Variants in RHPN1 observed in about 807,000 individuals in gnomAD.
The protein encoded by RHPN1 is rhophilin-1.
In RHPN1, 77 loss-of-function variants were observed where a neutral mutation model predicts 74.7. The observed-to-expected ratio is 1.03, with a 90% CI of 0.86 to 1.25. The LOEUF is 1.25. RHPN1 is among the 50% of genes most tolerant of loss of function. RHPN1 has a pLI of 0.00. For synonymous variants in RHPN1, 444 were observed against 414.5 expected (o/e 1.07, Z -0.87); for missense variants, 987 against 932.2 (o/e 1.06, Z -0.77).
rs367953129 is a variant in RHPN1 at position 143,380,764 on chromosome 8, C to T, written c.1392C>T (p.Ala464=). The change falls in exon 11 of 15, where the codon GCC becomes GCT. Residue 464 remains alanine (A), a synonymous_variant. Transcript: ENST00000289013. The part of the protein sequence containing the change: ...LDREDDFCEA[A]EAPDIQPKTH... ...GTGAGGATGACTTCTGTGAGGCTGC[C>T]GAGGCCCCGGACATCCAGCGTGAGC... The T allele has an allele frequency of 3.8e-5, 60 of 1,581,306 alleles. No homozygotes were observed. Among genetic ancestry groups the T allele is most frequent in the African/African-American group, 5.4e-5 (4 of 74,284 alleles).
intron 1 of RHPN1, among the ~76,000 whole-genome samples, chr8:143,371,850 C>T (rs1013217150): frequency 6.6e-5 from 10 of 152,216 alleles, no homozygotes; most frequent in Non-Finnish European, 1.3e-4. Flanking sequence ...GAGGTTGTAG[C>T]AGGAGTAGGG....
At position 143,382,853 on chromosome 8, in the gene RHPN1, G is replaced by C. The variant is rs1430720239; in HGVS notation, c.*202G>C. 3.4e-6 allele frequency: 2 copies of C among 590,388 alleles called. No homozygotes were observed. Among genetic ancestry groups the C allele is most frequent in the South Asian group, 2.1e-5 (1 of 48,214 alleles). 36.6% of individuals were successfully genotyped at this position (590,388 alleles called of 1,614,324 possible). On this transcript the variant is annotated 3_prime_UTR_variant, in exon 15 of 15. Coordinates refer to ENST00000289013, the MANE Select transcript of RHPN1 (RefSeq NM_052924.3). ...GCTGTGGCCTCTTCACCCACACACA[G>C]AAGGATGCCAGTCCCTCTGTCGGTC...
intron 3 of RHPN1, 23 bp downstream of exon 3, chr8:143,376,676 C>A (rs1416149286): frequency 1.3e-6 from 2 of 1,550,138 alleles, no homozygotes; most frequent in East Asian, 2.4e-5. Flanking sequence ...GCCGGGACAG[C>A]ACGTGCGTGT....
At chr8:143,379,228 A>T (rs1163249860) in intron 7 of RHPN1, 87 bp from the exon 8 acceptor site, 2 of 1,422,574 alleles carry the variant, frequency 1.4e-6, no homozygotes, top group East Asian at 5.0e-5. Context: ...TCCCAGGAGC[A>T]TCCCTAGCTG....
At chr8:143,368,327 G>A (rs1264142475), upstream of RHPN1, 1 of 153,574 alleles carries the variant, frequency 6.5e-6, no homozygotes, top group African/African-American at 2.4e-5. Context: ...TCCGCGGGCA[G>A]AGAGAAGAAA....
chr8:143,377,950 G>A (rs978493742), intron 4 of RHPN1, among the ~76,000 whole-genome samples: 42 of 152,218 alleles, frequency 2.8e-4, no homozygotes, highest in African/African-American at 9.2e-4. Context: ...TCCCGGCCAC[G>A]GGGATGAATA....
At chr8:143,374,141 A>G (rs1818052333) in intron 1 of RHPN1, 1 of 985,126 alleles carries the variant, frequency 1.0e-6, no homozygotes, top group Non-Finnish European at 1.2e-6. Context: ...CCAGATATCT[A>G]GGAGAAAACC....
intron 10 of RHPN1, 85 bp downstream of exon 10, chr8:143,380,260 G>C: frequency 1.1e-6 from 1 of 940,958 alleles, no homozygotes; most frequent in Non-Finnish European, 1.6e-6. Context: ...CATGCTGTTT[G>C]CCACCTGCTG....
rs201517555 is a variant in RHPN1, at chr8:143,379,825, G to A, written c.946-4G>A. On this transcript the variant is annotated splice_region_variant and splice_polypyrimidine_tract_variant and intron_variant, in intron 8 of 14. Coordinates refer to ENST00000289013, the MANE Select transcript of RHPN1 (RefSeq NM_052924.3). Reference sequence around the variant, plus strand: ...CCTCGCGTGCCTGCCACATCCACCGGCAGGTGGCAGCCGAGTACAGGCTAG... The same window carrying A: ...CCTCGCGTGCCTGCCACATCCACCGACAGGTGGCAGCCGAGTACAGGCTAG... 44 of 1,605,906 alleles carry A rather than the reference G, an allele frequency of 2.7e-5. No homozygotes were observed. The Admixed American group carries it at 6.9e-4, about 25-fold the overall frequency.
At chr8:143,377,258 G>A (rs563767741) in intron 3 of RHPN1, 122 bp from the exon 4 acceptor site, 113 of 694,914 alleles carry the variant, frequency 1.6e-4, no homozygotes, top group Admixed American at 1.1e-3. Context: ...GGACACAGGC[G>A]CACGTGCACA....
chr8:143,370,517 G>T (rs933667821), intron 1 of RHPN1, among the ~76,000 whole-genome samples: 1 of 152,234 alleles, frequency 6.6e-6, no homozygotes, highest in Non-Finnish European at 1.5e-5. Context: ...GGGGTCGGTC[G>T]TTCATCCACT....
At chr8:143,366,810 T>G (rs182470550), upstream of RHPN1, 2 of 152,340 alleles carry the variant, frequency 1.3e-5, no homozygotes, top group Admixed American at 1.3e-4. Flanking sequence ...CAGTCACACA[T>G]GCTTGCTGAC....
chr8:143,369,266 C>A (rs1329105200), intron 1 of RHPN1, among the ~76,000 whole-genome samples: 2 of 152,214 alleles, frequency 1.3e-5, no homozygotes, highest in African/African-American at 4.8e-5. Context: ...CAGCCAAAGT[C>A]TGGATCATCC....
rs1197929180 is a variant in RHPN1, at chr8:143,384,218, G to A, written c.*1567G>A. ...TTTGGTTAATAAAACTGTGGATCAA[G>A]GAGGCCAGTAGGCACTAACTGGGGA... On this transcript the variant is annotated 3_prime_UTR_variant, in exon 15 of 15. Coordinates refer to ENST00000289013, the MANE Select transcript of RHPN1 (RefSeq NM_052924.3). 6.6e-6 allele frequency: 1 copy of A among 152,126 alleles called. No homozygotes were observed. Among genetic ancestry groups the A allele is most frequent in the African/African-American group, 2.4e-5 (1 of 41,424 alleles). 9.4% of individuals were successfully genotyped at this position (152,126 alleles called of 1,614,324 possible). A position where few individuals can be genotyped will look rare whatever the true frequency, so the allele number is the denominator to read the frequency against.
chr8:143,382,315 C>A (rs1215681531), intron 14 of RHPN1, 121 bp from the exon 15 acceptor site: 10 of 845,878 alleles, frequency 1.2e-5, no homozygotes, highest in Non-Finnish European at 1.9e-5. Flanking sequence ...CTGATGGGAG[C>A]CCCCAAACAA....
intron 1 of RHPN1, among the ~76,000 whole-genome samples, chr8:143,372,569 C>T (rs1418375970): frequency 6.6e-6 from 1 of 152,046 alleles, no homozygotes; most frequent in Admixed American, 6.5e-5. Flanking sequence ...CACCCTCCTT[C>T]CGGCTGCCTG....
chr8:143,381,588 T>G lies in RHPN1; in HGVS notation c.1505T>G (p.Phe502Cys). The change falls in exon 13 of 15, where the codon TTC becomes TGC. Residue 502 changes from phenylalanine (F) to cysteine (C), a missense_variant. Physicochemically the swap from Phe to Cys is radical, Grantham distance 205. Transcript: ENST00000289013. ...CCCTGCCAGGGGCCCCTGTCTGTGT[T>G]CTCAGCCAAGAACCGGTGGCGGCTG... ...IFHRLGPLSV[F>C]SAKNRWRLVG... 6.2e-7 allele frequency: 1 copy of G among 1,609,270 alleles called. No individual in the cohort carries two copies. Among genetic ancestry groups the G allele is most frequent in the Non-Finnish European group, 8.5e-7 (1 of 1,179,204 alleles).
chr8:143,381,284 G>A lies in RHPN1; in HGVS notation c.1428G>A (p.Lys476=), dbSNP rs1364061504. The stretch of plus-strand genomic sequence containing the variant: ...CCCTCTCAGCTAAGACCCACCAGAA[G>A]CCAGAGGCCAGGATGCCACGCCTGT... ...APDIQPKTHQ[K]PEARMPRLSQ... is the part of the protein sequence containing the mutation. The change falls in exon 12 of 15, where the codon AAG becomes AAA. Residue 476 remains lysine (K), a synonymous_variant. Coordinates refer to ENST00000289013, the MANE Select transcript of RHPN1 (RefSeq NM_052924.3). 6.2e-7 allele frequency: 1 copy of A among 1,612,940 alleles called. No homozygotes were observed. Among genetic ancestry groups the A allele is most frequent in the Non-Finnish European group, 8.5e-7 (1 of 1,179,666 alleles).
At chr8:143,368,859 C>G (rs1817640799), upstream of RHPN1, 1 of 552,050 alleles carries the variant, frequency 1.8e-6, no homozygotes, top group African/African-American at 2.0e-5. Flanking sequence ...GAGGGACAGT[C>G]GGGGACCGGC....
Sources: gnomAD v4.1 joint callset for allele counts (sites outside exome capture counted in the v4.1 genomes callset) on GRCh38, gnomAD v4.1.1 for gene constraint, MANE v1.5 for transcripts, NCBI Gene and HGNC (gene_info 2026-07-23, HGNC 2026-07-21) for gene names.